ADAM2: variants seen among roughly 807,000 people sequenced by gnomAD.
ADAM2 encodes the protein ADAM metallopeptidase domain 2.
In ADAM2, 101 loss-of-function variants were observed where a neutral mutation model predicts 99.3. The ratio of observed to expected loss-of-function variants is 1.02; its 90% confidence interval spans 0.87 to 1.20. The LOEUF (loss-of-function observed/expected upper bound fraction) is 1.20, where lower values mean the gene tolerates loss of function less well. ADAM2 is among the 50% of genes most tolerant of loss of function. The probability of loss-of-function intolerance (pLI) is 0.00; values close to 1 mark genes in which losing one functional copy is unlikely to be tolerated. For missense variants in ADAM2, 948 were observed against 878.7 expected, an observed-to-expected ratio of 1.08 and a Z score of -1.00; for synonymous variants, 323 against 287.6, an observed-to-expected ratio of 1.12 and a Z score of -1.25.
intron 9 of ADAM2, among the ~76,000 whole-genome samples, chr8:39,787,822 G>T (rs1803537231): frequency 6.6e-6 from 1 of 151,586 alleles, no homozygotes; most frequent in African/African-American, 2.4e-5. Flanking sequence ...TATGTATTGT[G>T]TGAGATTTTT....
intron 15 of ADAM2, among the ~76,000 whole-genome samples, chr8:39,759,655 G>A (rs1323280796): frequency 3.3e-5 from 5 of 152,100 alleles, no homozygotes; most frequent in African/African-American, 9.7e-5. Flanking sequence ...AGAGAGGAGA[G>A]GAGAGAAGAG....
chr8:39,809,572 A>G, intron 6 of ADAM2, 106 bp from the exon 7 acceptor site: 3 of 565,504 alleles, frequency 5.3e-6, no homozygotes, highest in Non-Finnish European at 9.5e-6. Flanking sequence ...ACAATTTTGC[A>G]TATAGAAATA....
At chr8:39,806,197 C>G (rs977723259) in intron 7 of ADAM2, among the ~76,000 whole-genome samples, 1 of 151,344 alleles carries the variant, frequency 6.6e-6, no homozygotes, top group African/African-American at 2.4e-5. Context: ...TCTGACCAGT[C>G]AATAAGATAT....
intron 6 of ADAM2, among the ~76,000 whole-genome samples, chr8:39,811,034 C>A (rs1804671330): frequency 6.6e-6 from 1 of 151,518 alleles, no homozygotes; most frequent in Non-Finnish European, 1.5e-5. Flanking sequence ...AATTGATAGA[C>A]CACTAGCAAG....
At chr8:39,747,277 A>G (rs776015371) in intron 18 of ADAM2, among the ~76,000 whole-genome samples, 3 of 152,182 alleles carry the variant, frequency 2.0e-5, no homozygotes, top group Non-Finnish European at 4.4e-5. Flanking sequence ...GTCTGAGCTA[A>G]TATAATTCCT....
At chr8:39,812,264 C>T (rs572228947) in intron 6 of ADAM2, among the ~76,000 whole-genome samples, 11 of 151,684 alleles carry the variant, frequency 7.3e-5, no homozygotes, top group South Asian at 6.2e-4. Flanking sequence ...CACTGCTCAA[C>T]GAAATAAAAG....
intron 10 of ADAM2, among the ~76,000 whole-genome samples, chr8:39,779,570 A>C (rs1209654063): frequency 2.0e-5 from 3 of 152,160 alleles, no homozygotes; most frequent in Non-Finnish European, 4.4e-5. Context: ...CTGATTTGAA[A>C]GGCAAGTGAC....
chr8:39,804,425 G>A (rs931091041), intron 7 of ADAM2, among the ~76,000 whole-genome samples: 7 of 152,052 alleles, frequency 4.6e-5, no homozygotes, highest in African/African-American at 1.7e-4. Flanking sequence ...AAGAATTAAT[G>A]GATAAATGTC....
chr8:39,825,837 T>A (rs557156371), intron 3 of ADAM2, among the ~76,000 whole-genome samples: 2 of 152,230 alleles, frequency 1.3e-5, no homozygotes, highest in African/African-American at 4.8e-5. Flanking sequence ...CATCTTAGAA[T>A]TTATTCCAGC....
At chr8:39,807,742 T>C (rs1804499039) in intron 7 of ADAM2, among the ~76,000 whole-genome samples, 1 of 152,050 alleles carries the variant, frequency 6.6e-6, no homozygotes, top group South Asian at 2.1e-4. Flanking sequence ...CTACACTATA[T>C]ATACAAAGAA....
At chr8:39,832,611 C>T (rs1805661753) in intron 3 of ADAM2, among the ~76,000 whole-genome samples, 2 of 152,232 alleles carry the variant, frequency 1.3e-5, no homozygotes, top group African/African-American at 4.8e-5. Flanking sequence ...TGATATTTTA[C>T]AATAACGTTT....
chr8:39,837,282 A>T (rs1586175094), intron 1 of ADAM2, 70 bp from the exon 2 acceptor site: 1 of 1,084,766 alleles, frequency 9.2e-7, no homozygotes, highest in East Asian at 2.5e-5. Flanking sequence ...TGAGTTTTTC[A>T]TCTAAATCTC....
intron 7 of ADAM2, among the ~76,000 whole-genome samples, chr8:39,793,102 A>C (rs904949918): frequency 5.9e-5 from 9 of 152,108 alleles, no homozygotes; most frequent in African/African-American, 2.2e-4. Flanking sequence ...GCATTGGCTT[A>C]AATCTACATA....
chr8:39,798,605 G>T (rs187330671), intron 7 of ADAM2, among the ~76,000 whole-genome samples: 1 of 152,278 alleles, frequency 6.6e-6, no homozygotes, highest in East Asian at 1.9e-4. Context: ...AATAGTTTCA[G>T]AAGTAATGGT....
rs1202019079 is a variant in ADAM2 at position 39,755,820 on chromosome 8, C to T, written c.1705G>A (p.Gly569Arg). Residue 569 changes from glycine to arginine, a missense_variant, in exon 16 of 21, where the codon GGA (glycine) becomes AGA (arginine). Physicochemically the swap from Gly to Arg is moderately radical, Grantham distance 125 (BLOSUM62 -2). Coordinates refer to ENST00000265708, the MANE Select transcript of ADAM2 (RefSeq NM_001464.5). ...RATIIYANIS[G>R]HLCIAVEFAS... ...AATTCCACAGCAATGCAGAGATGTCCACTTATGTTGGCATAAATAATAGTG... is the reference window on the plus strand; with the variant it reads ...AATTCCACAGCAATGCAGAGATGTCTACTTATGTTGGCATAAATAATAGTG... 10 of 1,609,668 alleles carry T rather than the reference C, an allele frequency of 6.2e-6. No homozygotes were observed. In the South Asian group the frequency reaches 1.1e-4, roughly 18 times the overall value.
Position 39,769,420 on chromosome 8 carries a change from C to T in ADAM2, c.1184G>A (p.Gly395Glu). The T allele has an allele frequency of 6.2e-7, 1 of 1,614,014 alleles. No homozygotes were observed. The highest frequency in any genetic ancestry group is 8.5e-7 in the Non-Finnish European group (1 of 1,179,914). ...TTCAGTCCCACAGTCACACTCCTCT[C>T]CTGCTTCCAGCTTTGCATTACCACA... Reference protein sequence around the residue: ...AVCGNAKLEAGEECDCGTEQD... With the variant: ...AVCGNAKLEAEEECDCGTEQD... Residue 395 changes from glycine (G) to glutamate (E), a missense_variant, in exon 12 of 21, where the codon GGA (glycine) becomes GAA (glutamate). Physicochemically the swap from Gly to Glu is moderately conservative, Grantham distance 98. Coordinates refer to ENST00000265708, the MANE Select transcript of ADAM2 (RefSeq NM_001464.5).
At chr8:39,791,609 T>C (rs1803718893) in intron 7 of ADAM2, among the ~76,000 whole-genome samples, 1 of 152,044 alleles carries the variant, frequency 6.6e-6, no homozygotes, top group Admixed American at 6.6e-5. Flanking sequence ...TCCTCTTGAA[T>C]TTCAGCTGTA....
At chr8:39,781,481 T>C (rs1486991434) in intron 10 of ADAM2, among the ~76,000 whole-genome samples, 1 of 152,218 alleles carries the variant, frequency 6.6e-6, no homozygotes, top group African/African-American at 2.4e-5. Context: ...AATGGCACCA[T>C]TAAGTATTTA....
chr8:39,828,329 A>G (rs1390800495), intron 3 of ADAM2, among the ~76,000 whole-genome samples: 3 of 151,882 alleles, frequency 2.0e-5, no homozygotes, highest in Non-Finnish European at 4.4e-5. Context: ...TTAAGGATCT[A>G]AAAACATATG....
Sources: gnomAD v4.1 joint callset for allele counts (sites outside exome capture counted in the v4.1 genomes callset) on GRCh38, gnomAD v4.1.1 for gene constraint, MANE v1.5 for transcripts, NCBI Gene and HGNC (gene_info 2026-07-23, HGNC 2026-07-21) for gene names.